NPAS3: variants seen among roughly 807,000 people sequenced by gnomAD.
NPAS3 encodes neuronal PAS domain protein 3.
Under a neutral mutation model 73.1 loss-of-function variants are expected in NPAS3, and 14 were observed. That is an observed-to-expected ratio of 0.19 (90% CI 0.13 to 0.30). The LOEUF (loss-of-function observed/expected upper bound fraction) is 0.30, where lower values mean the gene tolerates loss of function less well. Ranked by LOEUF, NPAS3 falls within the 10% of genes least tolerant of loss-of-function variation. The pLI, the probability that NPAS3 is intolerant of heterozygous loss-of-function variation, is 1.00. For missense variants in NPAS3, 1,096 were observed against 1,250.0 expected, an observed-to-expected ratio of 0.88 and a Z score of 1.86; for synonymous variants, 620 against 541.5, an observed-to-expected ratio of 1.14 and a Z score of -2.01.
At chr14:33,083,466 C>G (rs1410798554) in intron 2 of NPAS3, among the ~76,000 whole-genome samples, 2 of 151,990 alleles carry the variant, frequency 1.3e-5, no homozygotes, top group Non-Finnish European at 2.9e-5. Context: ...TCATGTATAC[C>G]TCCTCACTAG....
intron 2 of NPAS3, among the ~76,000 whole-genome samples, chr14:33,186,066 G>C (rs1397020323): frequency 6.6e-6 from 1 of 152,124 alleles, no homozygotes; most frequent in Admixed American, 6.5e-5. Context: ...TGGGTTAGGA[G>C]ATCACTGATT....
At chr14:33,149,017 C>T (rs12100765) in intron 2 of NPAS3, among the ~76,000 whole-genome samples, 55,456 of 151,960 alleles carry the variant, frequency 0.36, 10,590 homozygotes, top group East Asian at 0.5. Context: ...CGTATTTCTA[C>T]TGGACAGCAC....
chr14:33,683,215 G>A, intron 6 of NPAS3, among the ~76,000 whole-genome samples: 1 of 151,972 alleles, frequency 6.6e-6, no homozygotes, highest in Non-Finnish European at 1.5e-5. Flanking sequence ...GGTTCTCTCA[G>A]TTTATATGCA....
At chr14:33,383,529 T>C (rs1051429593) in intron 4 of NPAS3, among the ~76,000 whole-genome samples, 7 of 152,030 alleles carry the variant, frequency 4.6e-5, no homozygotes, top group Non-Finnish European at 1.0e-4. Context: ...AGCCAAGGGG[T>C]CATTAAAGAA....
intron 2 of NPAS3, among the ~76,000 whole-genome samples, chr14:33,156,734 C>T (rs1000502192): frequency 2.6e-5 from 4 of 152,070 alleles, no homozygotes; most frequent in Admixed American, 2.0e-4. Flanking sequence ...CAAATATAAA[C>T]TGGGGAGTGG....
At chr14:33,346,821 T>C (rs934884642) in intron 3 of NPAS3, among the ~76,000 whole-genome samples, 2 of 152,116 alleles carry the variant, frequency 1.3e-5, no homozygotes, top group Admixed American at 6.5e-5. Flanking sequence ...GGAGGAAATA[T>C]CCTTACCTCA....
chr14:33,566,632 T>A (rs529488891), intron 5 of NPAS3, among the ~76,000 whole-genome samples: 11 of 152,082 alleles, frequency 7.2e-5, no homozygotes, highest in Non-Finnish European at 1.6e-4. Flanking sequence ...TCAGAAAGAG[T>A]AGAAAAAATC....
intron 6 of NPAS3, among the ~76,000 whole-genome samples, chr14:33,689,202 C>T (rs1243232647): frequency 6.6e-6 from 1 of 152,066 alleles, no homozygotes; most frequent in Non-Finnish European, 1.5e-5. Flanking sequence ...TTATATGTGC[C>T]CCAGTTTTCC....
chr14:33,608,977 A>C (rs904556395), intron 5 of NPAS3, among the ~76,000 whole-genome samples: 6 of 152,196 alleles, frequency 3.9e-5, no homozygotes, highest in Non-Finnish European at 7.3e-5. Context: ...AGCATCCTAC[A>C]GGGTCTACCC....
At chr14:33,078,015 T>C (rs2041728451) in intron 2 of NPAS3, among the ~76,000 whole-genome samples, 1 of 151,910 alleles carries the variant, frequency 6.6e-6, no homozygotes, top group African/African-American at 2.4e-5. Flanking sequence ...GGCGCATGCC[T>C]ATAGTCCCAG....
rs369565240 is a variant in NPAS3, at chr14:33,249,907, TACAC to T, written c.385+34508_385+34511del. On this transcript the variant is annotated intron_variant, in intron 3 of 11. Coordinates refer to ENST00000356141, the Ensembl canonical transcript of NPAS3. ...AACGCGTTTGGAAGCAAATCTGTCA[TACAC>T]ACACACACACACACACACACACACA... Among the ~76,000 whole-genome samples the T allele has an allele frequency of 2.0e-3, 299 of 147,044 alleles. 1 individual carries two copies. Among genetic ancestry groups the T allele is most frequent in the African/African-American group, 5.6e-3 (225 of 39,944 alleles).
chr14:33,199,073 G>T (rs866524972), intron 2 of NPAS3, among the ~76,000 whole-genome samples: 23 of 152,156 alleles, frequency 1.5e-4, no homozygotes, highest in Non-Finnish European at 2.8e-4. Flanking sequence ...TGGAACTTGC[G>T]CTGGCCTGCG....
At chr14:33,115,709 C>T (rs2043040601) in intron 2 of NPAS3, among the ~76,000 whole-genome samples, 6 of 151,984 alleles carry the variant, frequency 3.9e-5, no homozygotes, top group Admixed American at 6.6e-5. Context: ...TGGTCATCAC[C>T]CAATCTTGGT....
intron 5 of NPAS3, among the ~76,000 whole-genome samples, chr14:33,646,812 A>C (rs1294992738): frequency 6.6e-6 from 1 of 151,778 alleles, no homozygotes; most frequent in Non-Finnish European, 1.5e-5. Flanking sequence ...ATTCTTCAGC[A>C]CTCACGAAGA....
chr14:33,302,520 G>A (rs975139042), intron 3 of NPAS3, among the ~76,000 whole-genome samples: 5 of 152,318 alleles, frequency 3.3e-5, no homozygotes, highest in South Asian at 2.1e-4. Flanking sequence ...GTGAAAAGTC[G>A]TTGATGAAAG....
intron 5 of NPAS3, among the ~76,000 whole-genome samples, chr14:33,647,077 G>A (rs2058849878): frequency 6.6e-6 from 1 of 152,084 alleles, no homozygotes; most frequent in South Asian, 2.1e-4. Context: ...TGAAAGTCAG[G>A]TATATTATTT....
At chr14:33,057,870 C>T (rs1449698296) in intron 2 of NPAS3, among the ~76,000 whole-genome samples, 1 of 152,122 alleles carries the variant, frequency 6.6e-6, no homozygotes, top group Non-Finnish European at 1.5e-5. Context: ...AGTGAAGATG[C>T]TTATCTGAAT....
chr14:33,767,628 C>A (rs1259426049), intron 7 of NPAS3, among the ~76,000 whole-genome samples: 2 of 146,110 alleles, frequency 1.4e-5, no homozygotes, highest in Non-Finnish European at 3.0e-5. Context: ...TACCTGAAGC[C>A]TTTTTCGTTC....
chr14:33,798,411 C>CCCTATT (rs1251392646), intron 11 of NPAS3, among the ~76,000 whole-genome samples: 1 of 152,138 alleles, frequency 6.6e-6, no homozygotes, highest in Admixed American at 6.5e-5. Flanking sequence ...CCTCTTTTAA[C>CCCTATT]CCTACCTCTT....
Sources: gnomAD v4.1 joint callset for allele counts (sites outside exome capture counted in the v4.1 genomes callset) on GRCh38, gnomAD v4.1.1 for gene constraint, MANE v1.5 for transcripts, NCBI Gene and HGNC (gene_info 2026-07-23, HGNC 2026-07-21) for gene names.